TAFA5: variants seen among roughly 807,000 people sequenced by gnomAD.
TAFA5 encodes the protein TAFA chemokine like family member 5, also known as chemokine-like protein TAFA-5.
TAFA5 carries 6 observed loss-of-function variants against 15.3 expected under a neutral mutation model. That is an observed-to-expected ratio of 0.39 (90% CI 0.21 to 0.77). TAFA5 has a LOEUF of 0.77. Ranked by LOEUF, TAFA5 falls within the 30% of genes least tolerant of loss-of-function variation. TAFA5 has a pLI of 0.41. For synonymous variants in TAFA5, 103 were observed against 80.7 expected, an observed-to-expected ratio of 1.28 and a Z score of -1.48; for missense variants, 161 against 193.1, an observed-to-expected ratio of 0.83 and a Z score of 0.98.
rs961886118 is a variant in TAFA5 at position 48,494,144 on chromosome 22, T to C, written c.112+4440T>C. ...CACTCGACATGCTCGGAATGAAATA[T>C]GTAGATCAACTTTTGTGGCATGAAG... On this transcript the variant is annotated intron_variant, in intron 1 of 3. Coordinates refer to ENST00000402357, the MANE Select transcript of TAFA5 (RefSeq NM_001082967.3). Among the ~76,000 whole-genome samples, 6 of 152,342 alleles carry C rather than the reference T, an allele frequency of 3.9e-5. 1 individual carries two copies. The South Asian group carries it at 1.2e-3, about 32-fold the overall frequency.
chr22:48,568,133 G>A (rs754191058), intron 1 of TAFA5, among the ~76,000 whole-genome samples: 5 of 152,244 alleles, frequency 3.3e-5, no homozygotes, highest in African/African-American at 7.2e-5. Flanking sequence ...GTCTTCGCCC[G>A]TGTGACTGAG....
intron 1 of TAFA5, among the ~76,000 whole-genome samples, chr22:48,618,814 C>T (rs1484119735): frequency 2.0e-5 from 3 of 152,154 alleles, no homozygotes; most frequent in African/African-American, 7.2e-5. Flanking sequence ...CTCCTTTCTT[C>T]GTGAGGCTGC....
chr22:48,560,582 A>G lies in TAFA5; in HGVS notation c.112+70878A>G, dbSNP rs1923195753. Among the ~76,000 whole-genome samples the G allele has an allele frequency of 1.2e-5, 1 of 86,734 alleles. No homozygotes were observed. The highest frequency in any genetic ancestry group is 2.7e-5 in the Non-Finnish European group (1 of 37,668). 56.9% of individuals were successfully genotyped at this position (86,734 alleles called of 152,430 possible). On this transcript the variant is annotated intron_variant, in intron 1 of 3. Coordinates refer to ENST00000402357, the MANE Select transcript of TAFA5 (RefSeq NM_001082967.3). The surrounding 1 kb of genome is among the most constrained non-coding windows in gnomAD (Gnocchi z 4.2). ...AACGTTGTATTTTATTATTATTATT[A>G]TTATTATTATATTATTATTATTAAT...
chr22:48,590,820 G>A (rs1172644301), intron 1 of TAFA5, among the ~76,000 whole-genome samples: 1 of 151,842 alleles, frequency 6.6e-6, no homozygotes, highest in Non-Finnish European at 1.5e-5. Flanking sequence ...AAATGTGTCT[G>A]GTGTTTAGTC....
At chr22:48,725,116 A>T (rs991892399) in intron 3 of TAFA5, among the ~76,000 whole-genome samples, 5 of 152,262 alleles carry the variant, frequency 3.3e-5, no homozygotes, top group Non-Finnish European at 7.3e-5. Context: ...GCTGGCGGGA[A>T]GCCTGTCGGG....
At chr22:48,651,911 G>A (rs1440829248) in intron 2 of TAFA5, among the ~76,000 whole-genome samples, 2 of 152,158 alleles carry the variant, frequency 1.3e-5, no homozygotes, top group African/African-American at 2.4e-5. Context: ...CTGATGGCAG[G>A]GCCATTGGAC....
intron 3 of TAFA5, among the ~76,000 whole-genome samples, chr22:48,711,924 C>T (rs1272813449): frequency 1.3e-5 from 2 of 152,242 alleles, no homozygotes; most frequent in South Asian, 2.1e-4. Flanking sequence ...TCGCCTAGCA[C>T]GGGCGCTGGG....
intron 1 of TAFA5, among the ~76,000 whole-genome samples, chr22:48,499,936 C>A (rs1233575569): frequency 6.6e-6 from 1 of 152,166 alleles, no homozygotes; most frequent in Non-Finnish European, 1.5e-5. Context: ...AGTCTGCCTG[C>A]AGCTCCAGAT....
chr22:48,717,366 C>G (rs546159592), intron 3 of TAFA5, among the ~76,000 whole-genome samples: 1 of 151,998 alleles, frequency 6.6e-6, no homozygotes, highest in Admixed American at 6.5e-5. Flanking sequence ...AGGAGCCCTG[C>G]ACATCCCAGG....
intron 2 of TAFA5, among the ~76,000 whole-genome samples, chr22:48,664,392 AC>A (rs1214629716): frequency 1.1e-4 from 16 of 152,252 alleles, no homozygotes; most frequent in African/African-American, 3.9e-4. Context: ...ATCTTTGATG[AC>A]CCTTGTGAAA....
rs551284999 is a variant in TAFA5, at chr22:48,655,515, G to T, written c.262+8769G>T. On this transcript the variant is annotated intron_variant, in intron 2 of 3. Transcript: ENST00000402357. ...TCCTCACGTGGTGGAAGGTGGAAGGGCAGAAGGGGGCCAGGCTCCCGCAGT... is the reference window on the plus strand; with the variant it reads ...TCCTCACGTGGTGGAAGGTGGAAGGTCAGAAGGGGGCCAGGCTCCCGCAGT... Among the ~76,000 whole-genome samples, 50 of 152,302 alleles carry T rather than the reference G, an allele frequency of 3.3e-4. No homozygotes were observed. In the South Asian group the frequency reaches 0.01, roughly 32 times the overall value.
At chr22:48,499,379 C>A (rs1920941186) in intron 1 of TAFA5, among the ~76,000 whole-genome samples, 1 of 152,172 alleles carries the variant, frequency 6.6e-6, no homozygotes, top group Non-Finnish European at 1.5e-5. Context: ...TTGGAGATTT[C>A]TGTGGTGTCT....
At chr22:48,672,622 C>T (rs552333840) in intron 2 of TAFA5, among the ~76,000 whole-genome samples, 1 of 152,326 alleles carries the variant, frequency 6.6e-6, no homozygotes, top group South Asian at 2.1e-4. Flanking sequence ...TCCCAGCCTA[C>T]ATGATGGCTG....
intron 1 of TAFA5, among the ~76,000 whole-genome samples, chr22:48,564,827 G>T (rs567684482): frequency 6.6e-6 from 1 of 152,338 alleles, no homozygotes; most frequent in East Asian, 1.9e-4. Context: ...ACTATAACCA[G>T]CATGGAAGCA....
At chr22:48,596,076 A>G (rs565856244) in intron 1 of TAFA5, among the ~76,000 whole-genome samples, 173 of 152,370 alleles carry the variant, frequency 1.1e-3, no homozygotes, top group African/African-American at 4.0e-3. Context: ...GCCTGAATTA[A>G]CAGGTTTAAC....
chr22:48,680,071 G>A (rs1280383785), intron 2 of TAFA5, among the ~76,000 whole-genome samples: 6 of 152,236 alleles, frequency 3.9e-5, no homozygotes, highest in Non-Finnish European at 5.9e-5. Flanking sequence ...CCCACCCGTG[G>A]TCTCACTGCA....
intron 3 of TAFA5, among the ~76,000 whole-genome samples, chr22:48,746,865 C>A (rs2147278053): frequency 6.6e-6 from 1 of 152,278 alleles, no homozygotes; most frequent in African/African-American, 2.4e-5. Flanking sequence ...GCCTGCTGAG[C>A]TCCCCGTCCC....
At chr22:48,592,674 C>T (rs368734069) in intron 1 of TAFA5, among the ~76,000 whole-genome samples, 42 of 152,246 alleles carry the variant, frequency 2.8e-4, no homozygotes, top group African/African-American at 8.9e-4. Context: ...TCACTCCCTC[C>T]TCTCAGTGAC....
rs987694134 is a variant in TAFA5 at position 48,698,046 on chromosome 22, G to C, written c.263-9671G>C. On this transcript the variant is annotated intron_variant, in intron 2 of 3. Transcript: ENST00000402357. ...GGTGAAGATAATGGTGGCGATGGTG[G>C]TGGTTAGGATGATGTCATAATGATG... Among the ~76,000 whole-genome samples, 20 of 146,968 alleles carry C rather than the reference G, an allele frequency of 1.4e-4. 1 individual carries two copies. The highest frequency in any genetic ancestry group is 1.2e-3 in the Admixed American group (17 of 14,768).
Sources: allele counts gnomAD v4.1 joint callset (sites outside exome capture counted in the v4.1 genomes callset), GRCh38; gene constraint gnomAD v4.1.1; non-coding constraint Gnocchi (gnomAD v3.1); transcripts MANE v1.5; gene names NCBI Gene and HGNC (gene_info 2026-07-23, HGNC 2026-07-21).